CSMD1: variants seen among roughly 807,000 people sequenced by gnomAD.
The protein encoded by CSMD1 is CUB and Sushi multiple domains 1.
In CSMD1, 213 loss-of-function variants were observed where a neutral mutation model predicts 417.5. That is an observed-to-expected ratio of 0.51 (90% CI 0.46 to 0.57). The LOEUF (loss-of-function observed/expected upper bound fraction) is 0.57. CSMD1 is among the 20% of genes least tolerant of loss of function. The probability of loss-of-function intolerance (pLI) is 0.00; values close to 1 mark genes in which losing one functional copy is unlikely to be tolerated. For synonymous variants in CSMD1, 2,862 were observed against 1,736.8 expected, an observed-to-expected ratio of 1.65 and a Z score of -16.11; for missense variants, 6,923 against 4,529.7, an observed-to-expected ratio of 1.53 and a Z score of -15.17.
chr8:3,222,125 A>G (rs1798254535), intron 28 of CSMD1, among the ~76,000 whole-genome samples: 2 of 152,076 alleles, frequency 1.3e-5, no homozygotes, highest in African/African-American at 4.8e-5. Flanking sequence ...TTTCTGAGAC[A>G]TTGGGTCGGC....
At chr8:2,991,596 A>G (rs1471071382) in intron 54 of CSMD1, among the ~76,000 whole-genome samples, 1 of 152,230 alleles carries the variant, frequency 6.6e-6, no homozygotes, top group Non-Finnish European at 1.5e-5. Context: ...TTTCCTTATG[A>G]GCAAACATTT....
chr8:3,922,306 T>G (rs140930706), intron 5 of CSMD1, among the ~76,000 whole-genome samples: 2 of 152,206 alleles, frequency 1.3e-5, no homozygotes, highest in African/African-American at 4.8e-5. Context: ...AGCATATAGT[T>G]GGATCTTATT....
intron 3 of CSMD1, among the ~76,000 whole-genome samples, chr8:4,355,088 C>T (rs994745090): frequency 6.6e-6 from 1 of 151,842 alleles, no homozygotes; most frequent in African/African-American, 2.4e-5. Context: ...TGGTGAAACC[C>T]CGTCTCTACT....
intron 33 of CSMD1, among the ~76,000 whole-genome samples, chr8:3,198,595 A>G (rs1379392920): frequency 2.0e-5 from 3 of 152,224 alleles, no homozygotes; most frequent in African/African-American, 7.2e-5. Flanking sequence ...CTCCTGATTA[A>G]CTGTTAAGCA....
At chr8:4,077,189 A>G (rs976060733) in intron 3 of CSMD1, among the ~76,000 whole-genome samples, 2 of 151,118 alleles carry the variant, frequency 1.3e-5, no homozygotes, top group African/African-American at 4.9e-5. Context: ...TGGTGTAGAG[A>G]GAAGTCTCTA....
At chr8:4,727,196 G>A (rs374042355) in intron 1 of CSMD1, among the ~76,000 whole-genome samples, 2 of 152,234 alleles carry the variant, frequency 1.3e-5, no homozygotes, top group South Asian at 2.1e-4. Context: ...CTCTGAGAAA[G>A]GACTGATCAA....
intron 3 of CSMD1, among the ~76,000 whole-genome samples, chr8:4,335,118 T>C (rs1800094418): frequency 2.6e-5 from 4 of 152,098 alleles, no homozygotes; most frequent in East Asian, 1.9e-4. Flanking sequence ...CCCAGATTGA[T>C]CTTCAACTTC....
At chr8:3,298,540 G>A (rs111456999) in intron 25 of CSMD1, among the ~76,000 whole-genome samples, 3,082 of 152,254 alleles carry the variant, frequency 0.02, 43 homozygotes, top group South Asian at 0.045. Flanking sequence ...TGCAACCTCT[G>A]CCTCCCAGGC....
chr8:4,959,687 A>G (rs1809349953), intron 1 of CSMD1, among the ~76,000 whole-genome samples: 1 of 152,164 alleles, frequency 6.6e-6, no homozygotes. Context: ...TTTGATCAAA[A>G]CCCTCCAATA....
At chr8:4,009,248 C>T (rs983376667) in intron 4 of CSMD1, among the ~76,000 whole-genome samples, 1 of 152,134 alleles carries the variant, frequency 6.6e-6, no homozygotes, top group African/African-American at 2.4e-5. Context: ...TATTTCCTCC[C>T]AAGTAATTTC....
At chr8:4,806,845 T>TA (rs1244251817) in intron 1 of CSMD1, among the ~76,000 whole-genome samples, 1 of 152,048 alleles carries the variant, frequency 6.6e-6, no homozygotes, top group Admixed American at 6.6e-5. Context: ...GAAGGTGTCA[T>TA]AAAAAAATAA....
intron 5 of CSMD1, among the ~76,000 whole-genome samples, chr8:3,801,836 C>G (rs1800474934): frequency 6.6e-6 from 1 of 151,976 alleles, no homozygotes; most frequent in African/African-American, 2.4e-5. Flanking sequence ...TACTGAGGGA[C>G]CAGAATCATT....
At chr8:4,961,530 A>C (rs958652185) in intron 1 of CSMD1, among the ~76,000 whole-genome samples, 1 of 152,196 alleles carries the variant, frequency 6.6e-6, no homozygotes, top group African/African-American at 2.4e-5. Context: ...GGCTAGTTTG[A>C]AAATTAGTTC....
chr8:3,431,285 C>T (rs1028718972), intron 12 of CSMD1, among the ~76,000 whole-genome samples: 1 of 152,138 alleles, frequency 6.6e-6, no homozygotes, highest in Non-Finnish European at 1.5e-5. Context: ...ACACCTGGGC[C>T]ATCACTAATC....
At chr8:4,090,140 TAC>T (rs1188040603) in intron 3 of CSMD1, among the ~76,000 whole-genome samples, 1 of 152,224 alleles carries the variant, frequency 6.6e-6, no homozygotes, top group East Asian at 1.9e-4. Context: ...ATTAATAGAA[TAC>T]AGTCTTAATT....
intron 2 of CSMD1, among the ~76,000 whole-genome samples, chr8:4,585,878 G>T (rs752845437): frequency 2.6e-5 from 4 of 152,032 alleles, no homozygotes; most frequent in Non-Finnish European, 4.4e-5. Context: ...GGTAAAGATG[G>T]AATAAACAGC....
chr8:3,638,846 C>T (rs749113328), intron 7 of CSMD1, among the ~76,000 whole-genome samples: 2 of 152,030 alleles, frequency 1.3e-5, no homozygotes, highest in Non-Finnish European at 2.9e-5. Context: ...CAGGAAGATA[C>T]CCTGGAATAT....
At chr8:3,049,762 G>A (rs959953611) in intron 50 of CSMD1, among the ~76,000 whole-genome samples, 2 of 152,082 alleles carry the variant, frequency 1.3e-5, no homozygotes, top group African/African-American at 4.8e-5. Flanking sequence ...TGTGAACGCT[G>A]GGCTCTGGGT....
chr8:3,256,754 A>G (rs1800686732), intron 26 of CSMD1, among the ~76,000 whole-genome samples: 1 of 152,206 alleles, frequency 6.6e-6, no homozygotes, highest in African/African-American at 2.4e-5. Context: ...CCTGACTCAG[A>G]AAAGGGACAT....
Sources: gnomAD v4.1 joint callset for allele counts (sites outside exome capture counted in the v4.1 genomes callset) on GRCh38, gnomAD v4.1.1 for gene constraint, MANE v1.5 for transcripts, NCBI Gene and HGNC (gene_info 2026-07-23, HGNC 2026-07-21) for gene names.